NCAPG2: variants seen among roughly 807,000 people sequenced by gnomAD.
NCAPG2 encodes the protein non-SMC condensin II complex subunit G2.
NCAPG2 carries 53 observed loss-of-function variants against 141.1 expected under a neutral mutation model. The observed-to-expected ratio is 0.38, with a 90% CI of 0.30 to 0.47. The LOEUF (loss-of-function observed/expected upper bound fraction) is 0.47, where lower values mean the gene tolerates loss of function less well. Among genes scored for constraint, NCAPG2 ranks in the 20% least tolerant of loss-of-function variants. The pLI, the probability that NCAPG2 is intolerant of heterozygous loss-of-function variation, is 0.99. For missense variants in NCAPG2, 1,087 were observed against 1,389.0 expected, an observed-to-expected ratio of 0.78 and a Z score of 3.46; for synonymous variants, 499 against 490.7, an observed-to-expected ratio of 1.02 and a Z score of -0.22.
chr7:158,667,734 C>T (rs1336021654), intron 13 of NCAPG2, among the ~76,000 whole-genome samples: 3 of 70,714 alleles, frequency 4.2e-5, no homozygotes, highest in Non-Finnish European at 5.1e-5. Context: ...CTTACCTACC[C>T]TGTGGCCCTC....
At chr7:158,636,560 C>G (rs1210554357) in intron 27 of NCAPG2, among the ~76,000 whole-genome samples, 1 of 151,990 alleles carries the variant, frequency 6.6e-6, no homozygotes, top group Non-Finnish European at 1.5e-5. Context: ...TGCCACCATA[C>G]CCAGCTAATT....
chr7:158,698,980 T>A (rs1223886191), intron 2 of NCAPG2, among the ~76,000 whole-genome samples: 1 of 151,720 alleles, frequency 6.6e-6, no homozygotes, highest in Non-Finnish European at 1.5e-5. Flanking sequence ...AGAGACGGGG[T>A]CTTACTATGT....
rs181639044 is a variant in NCAPG2, at chr7:158,651,477, C to T, written c.2935-505G>A. 1.1e-3 allele frequency among the ~76,000 whole-genome samples: 167 copies of T among 152,318 alleles called. 1 individual carries two copies. Among genetic ancestry groups the T allele is most frequent in the Admixed American group, 4.3e-3 (66 of 15,302 alleles). ...TATGGCCAACAACCTTCAATGACCT[C>T]TATCAGCAAAGGACACCGAGTCTTC... On this transcript the variant is annotated intron_variant, in intron 23 of 27. Coordinates refer to ENST00000356309, the MANE Select transcript of NCAPG2 (RefSeq NM_017760.7).
At position 158,668,295 on chromosome 7, in the gene NCAPG2, G is replaced by T. The variant is rs866838810; in HGVS notation, c.1479+3219C>A. On this transcript the variant is annotated intron_variant, in intron 13 of 27. Transcript: ENST00000356309. ...CCTCCTTACCTACCTTGTGTCCCTA[G>T]GCCCTCCCTTACCCACTACTGGGTC... 1.4e-4 allele frequency: 118 copies of T among 837,648 alleles called. 5 individuals are homozygous for T. The highest frequency in any genetic ancestry group is 1.3e-3 in the Admixed American group (8 of 6,316). 51.9% of individuals were successfully genotyped at this position (837,648 alleles called of 1,614,324 possible).
intron 2 of NCAPG2, among the ~76,000 whole-genome samples, chr7:158,699,812 G>C (rs1835674499): frequency 6.6e-6 from 1 of 152,254 alleles, no homozygotes; most frequent in South Asian, 2.1e-4. Context: ...ATTTCTTACT[G>C]ATTTAACATA....
rs779953341 is a variant in NCAPG2 at position 158,650,944 on chromosome 7, T to C, written c.2963A>G (p.His988Arg). 1.9e-6 allele frequency: 3 copies of C among 1,612,824 alleles called. No individual in the cohort carries two copies. Among genetic ancestry groups the C allele is most frequent in the African/African-American group, 1.3e-5 (1 of 74,808 alleles). The change falls in exon 24 of 28, where the codon CAT (histidine) becomes CGT (arginine). Residue 988 changes from histidine (H) to arginine (R), a missense_variant. By Grantham distance (29) the His-to-Arg change is conservative. Transcript: ENST00000356309. ...AGACTGAACAGCAGTAATGAACTCA[T>C]GAAGAGGCCTCTGAACAGAATAAAG... The part of the protein sequence containing the change: ...RLLYSVQRPL[H>R]EFITAVQSRH...
chr7:158,651,172 G>A (rs1182821227), intron 23 of NCAPG2, among the ~76,000 whole-genome samples, 200 bp from the exon 24 acceptor site: 1 of 152,092 alleles, frequency 6.6e-6, no homozygotes, highest in Non-Finnish European at 1.5e-5. Flanking sequence ...GCCAGAAGAT[G>A]ATAGACGGGA....
chr7:158,647,705 T>G (rs150708838), intron 24 of NCAPG2, among the ~76,000 whole-genome samples: 1 of 152,304 alleles, frequency 6.6e-6, no homozygotes, highest in Non-Finnish European at 1.5e-5. Context: ...TGCTTTTTTT[T>G]TTTTAAGAGA....
chr7:158,659,921 C>T (rs1001443709), intron 16 of NCAPG2, among the ~76,000 whole-genome samples: 3 of 151,984 alleles, frequency 2.0e-5, no homozygotes, highest in African/African-American at 7.2e-5. Flanking sequence ...ACCACCCTGG[C>T]TAACACGGTG....
chr7:158,693,171 C>T, intron 3 of NCAPG2, 138 bp downstream of exon 3: 1 of 971,788 alleles, frequency 1.0e-6, no homozygotes, highest in Non-Finnish European at 1.5e-6. Flanking sequence ...AATAAAACTA[C>T]AACAGACTAA....
Position 158,664,295 on chromosome 7 carries a change from T to C in NCAPG2, c.1704A>G (p.Ala568=), listed in dbSNP as rs757157011. 1.2e-6 allele frequency: 2 copies of C among 1,608,956 alleles called. No individual in the cohort carries two copies. The highest frequency in any genetic ancestry group is 1.7e-6 in the Non-Finnish European group (2 of 1,175,388). ...AHEHTACTNI[A]KLIHVIRHCL... is the part of the protein sequence containing the mutation. ...AATGACGAATAACGTGAATCAGCTTTGCTGAAATGTTTAGGATAAACAAGA... is the reference window on the plus strand; with the variant it reads ...AATGACGAATAACGTGAATCAGCTTCGCTGAAATGTTTAGGATAAACAAGA... The change falls in exon 15 of 28, where the codon GCA becomes GCG. Residue 568 remains alanine, a splice_region_variant and synonymous_variant. Coordinates refer to ENST00000356309, the MANE Select transcript of NCAPG2 (RefSeq NM_017760.7).
At chr7:158,704,346 C>A (rs545674436) in intron 1 of NCAPG2, among the ~76,000 whole-genome samples, 49 of 150,328 alleles carry the variant, frequency 3.3e-4, no homozygotes, top group African/African-American at 1.1e-3. Context: ...GGGCAGTTCC[C>A]ATGCCCAGGA....
chr7:158,669,567 AGCCTG>A (rs1179599822), intron 13 of NCAPG2, among the ~76,000 whole-genome samples: 2 of 151,936 alleles, frequency 1.3e-5, no homozygotes, highest in African/African-American at 4.8e-5. Flanking sequence ...GTTCGAGACC[AGCCTG>A]GCCAACATGG....
At chr7:158,664,887 A>C in intron 13 of NCAPG2, 137 bp from the exon 14 acceptor site, 1 of 676,046 alleles carries the variant, frequency 1.5e-6, no homozygotes, top group Non-Finnish European at 2.5e-6. Flanking sequence ...GAATGACTAC[A>C]CCAAAATCTG....
At chr7:158,656,122 G>T in intron 19 of NCAPG2, 138 bp downstream of exon 19, 1 of 1,151,272 alleles carries the variant, frequency 8.7e-7, no homozygotes, top group Non-Finnish European at 1.2e-6. Flanking sequence ...TGTACCAACT[G>T]AATGAGGTGA....
rs542931218 is a variant in NCAPG2, at chr7:158,687,331, G to C, written c.767+17C>G. 2 of 1,564,382 alleles carry C rather than the reference G, an allele frequency of 1.3e-6. No homozygotes were observed. Among genetic ancestry groups the C allele is most frequent in the Middle Eastern group, 3.4e-4 (2 of 5,882 alleles). ...AGATTAAGACAGCACAAAATCTTCA[G>C]TACTTTTAACACTTACTTTTGTAAT... is the stretch of plus-strand genomic sequence containing the variant. On this transcript the variant is annotated intron_variant, in intron 7 of 27. Coordinates refer to ENST00000356309, the MANE Select transcript of NCAPG2 (RefSeq NM_017760.7).
Position 158,686,108 on chromosome 7 carries a change from A to C in NCAPG2, c.837+64T>G, listed in dbSNP as rs924661925. On this transcript the variant is annotated intron_variant, in intron 8 of 27. Coordinates refer to ENST00000356309, the MANE Select transcript of NCAPG2 (RefSeq NM_017760.7). ...ATGGATCTTAAATAACCCTTCTTTG[A>C]CTACTTATTTAGTAACTAAAATATA... The C allele has an allele frequency of 4.0e-6, 4 of 995,690 alleles. No homozygotes were observed. In the African/African-American group the frequency reaches 6.8e-5, roughly 17 times the overall value. The allele number at this position is 995,690 out of a possible 1,614,324, so 61.7% of individuals were successfully genotyped here.
At chr7:158,661,590 G>A (rs946645769) in intron 16 of NCAPG2, among the ~76,000 whole-genome samples, 5 of 152,214 alleles carry the variant, frequency 3.3e-5, no homozygotes, top group African/African-American at 1.2e-4. Flanking sequence ...AAATCACCGC[G>A]AGCAGATTTT....
At chr7:158,647,349 A>C (rs1188094818) in intron 24 of NCAPG2, among the ~76,000 whole-genome samples, 4 of 152,180 alleles carry the variant, frequency 2.6e-5, no homozygotes. Flanking sequence ...CCCCTCACCC[A>C]GTTGTGCCAA....
Sources: gnomAD v4.1 joint callset for allele counts (sites outside exome capture counted in the v4.1 genomes callset) on GRCh38, gnomAD v4.1.1 for gene constraint, MANE v1.5 for transcripts, NCBI Gene and HGNC (gene_info 2026-07-23, HGNC 2026-07-21) for gene names.